Variants in KCNMA1 observed in about 807,000 individuals in gnomAD.
KCNMA1 encodes the protein Calcium-activated potassium channel subunit alpha-1.
In KCNMA1, 29 loss-of-function variants were observed where a neutral mutation model predicts 140.0. The observed-to-expected ratio is 0.21, with a 90% CI of 0.15 to 0.28. KCNMA1 has a LOEUF of 0.28. Ranked by LOEUF, KCNMA1 falls within the 10% of genes least tolerant of loss-of-function variation. KCNMA1 has a pLI of 1.00. For synonymous variants in KCNMA1, 612 were observed against 611.9 expected, an observed-to-expected ratio of 1.00 and a Z score of 0.00; for missense variants, 880 against 1,602.2, an observed-to-expected ratio of 0.55 and a Z score of 7.70.
At chr10:77,074,422 GAA>G (rs1485831259) in intron 13 of KCNMA1, among the ~76,000 whole-genome samples, 1 of 152,206 alleles carries the variant, frequency 6.6e-6, no homozygotes, top group Non-Finnish European at 1.5e-5. Context: ...AACTTCCAGA[GAA>G]AAGTGACAAA....
In KCNMA1 at chr10:76,898,260, A is replaced by G. The variant is rs539618182; in HGVS notation, c.3148-6541T>C. On this transcript the variant is annotated intron_variant, in intron 25 of 27. Transcript: ENST00000286628. ...GAAAAATTTTAAACTATTATGTTAGATAAGTTAATTTTATATTCATAGTTG... is the reference window on the plus strand; with the variant it reads ...GAAAAATTTTAAACTATTATGTTAGGTAAGTTAATTTTATATTCATAGTTG... 2.0e-5 allele frequency among the ~76,000 whole-genome samples: 3 copies of G among 152,046 alleles called. No individual in the cohort carries two copies. The South Asian group carries it at 6.2e-4, about 32-fold the overall frequency.
intron 2 of KCNMA1, among the ~76,000 whole-genome samples, chr10:77,394,790 T>C (rs1017006949): frequency 2.0e-5 from 3 of 152,134 alleles, no homozygotes; most frequent in Non-Finnish European, 4.4e-5. Context: ...GTAGGCCACT[T>C]GAAGAGGAAT....
intron 13 of KCNMA1, among the ~76,000 whole-genome samples, chr10:77,075,418 T>G (rs1394909664): frequency 6.6e-6 from 1 of 152,178 alleles, no homozygotes; most frequent in Non-Finnish European, 1.5e-5. Flanking sequence ...GCATTGTGTG[T>G]GAAAGGAGAT....
At chr10:77,045,374 C>A (rs1164872044) in intron 14 of KCNMA1, among the ~76,000 whole-genome samples, 1 of 152,218 alleles carries the variant, frequency 6.6e-6, no homozygotes, top group African/African-American at 2.4e-5. Context: ...GAGCGCCTAG[C>A]AAAGATGAGC....
chr10:77,622,467 A>C (rs2091636429), intron 1 of KCNMA1, among the ~76,000 whole-genome samples: 1 of 152,214 alleles, frequency 6.6e-6, no homozygotes, highest in Non-Finnish European at 1.5e-5. Context: ...CTGAGCAGTT[A>C]CTCAACCTCT....
intron 1 of KCNMA1, among the ~76,000 whole-genome samples, chr10:77,528,608 C>CAAAA (rs376809211): frequency 1.1e-5 from 1 of 92,034 alleles, no homozygotes. Flanking sequence ...GAGCCCATCT[C>CAAAA]AAAAAAAAAA....
At chr10:77,028,659 A>G (rs995624449) in intron 15 of KCNMA1, among the ~76,000 whole-genome samples, 13 of 152,082 alleles carry the variant, frequency 8.5e-5, no homozygotes, top group African/African-American at 2.9e-4. Context: ...TAACCAAATC[A>G]CTGAGCCTTT....
chr10:76,949,343 G>C lies in KCNMA1; in HGVS notation c.2508C>G (p.Thr836=). 6.2e-7 allele frequency: 1 copy of C among 1,613,994 alleles called. No homozygotes were observed. The highest frequency in any genetic ancestry group is 8.5e-7 in the Non-Finnish European group (1 of 1,179,966). ...VILTRSEAAM[T]VLSGHVVVCI... ...AGACCACGACATGGCCACTCAGGAC[G>C]GTCATGGCAGCTTCACTTCGAGTCT... Residue 836 remains threonine, a synonymous_variant, in exon 22 of 28, where the codon ACC becomes ACG. Coordinates refer to ENST00000286628, the MANE Select transcript of KCNMA1 (RefSeq NM_001161352.2).
At chr10:77,368,607 C>G (rs1485495315) in intron 2 of KCNMA1, among the ~76,000 whole-genome samples, 1 of 152,124 alleles carries the variant, frequency 6.6e-6, no homozygotes, top group Non-Finnish European at 1.5e-5. Context: ...GTCTAACTTA[C>G]CTAAGTTCAG....
At chr10:77,273,624 A>G (rs1360534744) in intron 2 of KCNMA1, among the ~76,000 whole-genome samples, 1 of 152,232 alleles carries the variant, frequency 6.6e-6, no homozygotes, top group Admixed American at 6.5e-5. Context: ...TCAATTTCCA[A>G]TAAAAAGGAA....
chr10:77,339,754 A>G (rs1345011459), intron 2 of KCNMA1, among the ~76,000 whole-genome samples: 2 of 152,374 alleles, frequency 1.3e-5, no homozygotes, highest in Admixed American at 6.5e-5. Context: ...ATCACCTTCC[A>G]GCCTCCCTTG....
At chr10:76,920,037 TATATATATATATATAC>T (rs1197310479) in intron 23 of KCNMA1, among the ~76,000 whole-genome samples, 1,773 of 118,428 alleles carry the variant, frequency 0.015, 92 homozygotes, top group African/African-American at 0.053. Context: ...TATATATATA[TATATATATATATATAC>T]ACACAATATT....
At chr10:77,246,805 C>T (rs1001444297) in intron 3 of KCNMA1, among the ~76,000 whole-genome samples, 1 of 152,014 alleles carries the variant, frequency 6.6e-6, no homozygotes, top group African/African-American at 2.4e-5. Context: ...CAATCGTAAC[C>T]CCACTGTTGC....
intron 14 of KCNMA1, among the ~76,000 whole-genome samples, chr10:77,064,598 C>T (rs893113994): frequency 2.0e-5 from 3 of 152,220 alleles, no homozygotes; most frequent in African/African-American, 7.2e-5. Context: ...TCATGGATTA[C>T]TTCTCTCTTT....
chr10:77,374,808 C>A (rs1298644105), intron 2 of KCNMA1, among the ~76,000 whole-genome samples: 1 of 152,148 alleles, frequency 6.6e-6, no homozygotes, highest in African/African-American at 2.4e-5. Context: ...TGGTAGGGTT[C>A]CCCATGACCC....
intron 1 of KCNMA1, among the ~76,000 whole-genome samples, chr10:77,493,325 G>A (rs1043254187): frequency 3.3e-5 from 5 of 152,234 alleles, no homozygotes; most frequent in African/African-American, 9.6e-5. Flanking sequence ...GAGAAGCCTC[G>A]CTGAGGGCCA....
At chr10:77,592,714 G>A (rs1461213102) in intron 1 of KCNMA1, among the ~76,000 whole-genome samples, 1 of 152,204 alleles carries the variant, frequency 6.6e-6, no homozygotes, top group Non-Finnish European at 1.5e-5. Flanking sequence ...AGTCTTGCCA[G>A]GATGTTTACC....
intron 1 of KCNMA1, among the ~76,000 whole-genome samples, chr10:77,514,898 G>GTT (rs201683797): frequency 6.6e-6 from 1 of 150,472 alleles, no homozygotes; most frequent in African/African-American, 2.4e-5. Context: ...TGCCTGTTTT[G>GTT]TTTTTTTTTG....
In KCNMA1 at chr10:77,026,360, T is replaced by C. The variant is rs572174389; in HGVS notation, c.1928+1463A>G. 2.7e-3 allele frequency among the ~76,000 whole-genome samples: 406 copies of C among 152,276 alleles called. 2 individuals are homozygous for C. Among genetic ancestry groups the C allele is most frequent in the African/African-American group, 9.3e-3 (387 of 41,564 alleles). ...ATGCACAAAAGTAAATAGAGAACAC[T>C]GAGTTACACAAAGATTTGCGATTTC... On this transcript the variant is annotated intron_variant, in intron 16 of 27. Transcript: ENST00000286628.
Sources: gnomAD v4.1 joint callset for allele counts (sites outside exome capture counted in the v4.1 genomes callset) on GRCh38, gnomAD v4.1.1 for gene constraint, MANE v1.5 for transcripts, NCBI Gene and HGNC (gene_info 2026-07-23, HGNC 2026-07-21) for gene names.